The following CSTF2T variants were observed in gnomAD, a reference collection of about 807,000 sequenced individuals.
The protein encoded by CSTF2T is CF-1 64 kDa subunit tau.
Under a neutral mutation model 39.9 loss-of-function variants are expected in CSTF2T, and 18 were observed. That is an observed-to-expected ratio of 0.45 (90% confidence interval 0.31 to 0.67). The LOEUF (loss-of-function observed/expected upper bound fraction) is 0.67. Ranked by LOEUF, CSTF2T falls within the 30% of genes least tolerant of loss-of-function variation. The pLI, the probability that CSTF2T is intolerant of heterozygous loss-of-function variation, is 0.06. For synonymous variants in CSTF2T, 291 were observed against 276.4 expected (o/e 1.05, Z -0.52); for missense variants, 681 against 789.0 (o/e 0.86, Z 1.64).
In CSTF2T at chr10:51,699,048, G is replaced by C; in HGVS notation, c.502C>G (p.Leu168Val). 1 of 1,614,242 alleles carries C rather than the reference G, an allele frequency of 6.2e-7. No individual in the cohort carries two copies. Among genetic ancestry groups the C allele is most frequent in the Non-Finnish European group, 8.5e-7 (1 of 1,180,046 alleles). ...TGTGCCTGCAACAGTGCATAAGCCA[G>C]TTGTGGATTTTGAAGTAACATGTTT... ...ARNMLLQNPQ[L>V]AYALLQAQVV... The change falls in exon 1 of 1, where the codon CTG becomes GTG. Residue 168 changes from leucine to valine, a missense_variant. Physicochemically the swap from Leu to Val is conservative, Grantham distance 32. This residue lies in a region of CSTF2T where 329 missense variants were observed against 344.1 expected (regional missense o/e 0.96). Coordinates refer to ENST00000331173, the MANE Select transcript of CSTF2T (RefSeq NM_015235.3).
rs376951469 is a variant in CSTF2T, at chr10:51,698,348, T to C, written c.1202A>G (p.Asp401Gly). 14 of 1,614,020 alleles carry C rather than the reference T, an allele frequency of 8.7e-6. No individual in the cohort carries two copies. The highest frequency in any genetic ancestry group is 1.1e-5 in the Non-Finnish European group (13 of 1,180,028). Residue 401 changes from aspartate (D) to glycine (G), a missense_variant, in exon 1 of 1, where the codon GAT becomes GGT. Asp to Gly is a moderately conservative substitution (Grantham distance 94). Transcript: ENST00000331173. ...ACCATCCATAGGTAGACCCCTTTGATCTATCATGGGGCCTCTGGGCTCTCC... is the reference window on the plus strand; with the variant it reads ...ACCATCCATAGGTAGACCCCTTTGACCTATCATGGGGCCTCTGGGCTCTCC... ...LIGEPRGPMI[D>G]QRGLPMDGRG...
In CSTF2T at chr10:51,698,283, TG is replaced by T; in HGVS notation, c.1266del (p.Met423TrpfsTer6). The T allele has an allele frequency of 6.2e-7, 1 of 1,614,132 alleles. No individual in the cohort carries two copies. Among genetic ancestry groups the T allele is most frequent in the Non-Finnish European group, 8.5e-7 (1 of 1,180,002 alleles). On this transcript the variant is annotated frameshift_variant, in exon 1 of 1. Coordinates refer to ENST00000331173, the MANE Select transcript of CSTF2T (RefSeq NM_015235.3). LOFTEE classifies it high-confidence loss of function. ...CGTGTCTCTAAGACCTCAGTTTCCA[TG>T]GCACGAGTCTCCATCGCTCGAGAAT... Reference protein sequence around the residue: ...GRDSRAMETRAMETEVLETRV... With the variant: ...GRDSRAMETRXMETEVLETRV...
Position 51,697,506 on chromosome 10 carries a change from C to T in CSTF2T, c.*193G>A. On this transcript the variant is annotated 3_prime_UTR_variant, in exon 1 of 1. Coordinates refer to ENST00000331173, the MANE Select transcript of CSTF2T (RefSeq NM_015235.3). ...GTAACTTAAAGTGAACAGACGCACT[C>T]CCTCCTCCCCCCACCCTCAATTAAA... The T allele has an allele frequency of 1.7e-6, 1 of 604,054 alleles. No homozygotes were observed. Among genetic ancestry groups the T allele is most frequent in the Non-Finnish European group, 2.9e-6 (1 of 349,496 alleles). 37.4% of individuals were successfully genotyped at this position (604,054 alleles called of 1,614,324 possible).
chr10:51,697,639 C>A lies in CSTF2T; in HGVS notation c.*60G>T. On this transcript the variant is annotated 3_prime_UTR_variant, in exon 1 of 1. Transcript: ENST00000331173. ...GGGATACAGAAGTCAGCTTTTTGCACCCATTCTCCATGCTACAGAATAAAA... is the reference window on the plus strand; with the variant it reads ...GGGATACAGAAGTCAGCTTTTTGCAACCATTCTCCATGCTACAGAATAAAA... The A allele has an allele frequency of 2.6e-6, 4 of 1,541,302 alleles. No individual in the cohort carries two copies. Among genetic ancestry groups the A allele is most frequent in the Non-Finnish European group, 3.5e-6 (4 of 1,128,512 alleles).
rs1157172920 is a variant in CSTF2T, at chr10:51,698,686, G to A, written c.864C>T (p.Pro288=). Residue 288 remains proline, a synonymous_variant, in exon 1 of 1, where the codon CCC becomes CCT. Coordinates refer to ENST00000331173, the MANE Select transcript of CSTF2T (RefSeq NM_015235.3). The part of the protein sequence containing the change: ...GSLTPGGAMQ[P]QLGMPGVGPV... ...GGCCAACCCCTGGCATTCCAAGTTG[G>A]GGCTGCATTGCTCCTCCAGGAGTTA... is the stretch of plus-strand genomic sequence containing the variant. 4 of 1,614,214 alleles carry A rather than the reference G, an allele frequency of 2.5e-6. No homozygotes were observed. Among genetic ancestry groups the A allele is most frequent in the Non-Finnish European group, 3.4e-6 (4 of 1,180,038 alleles).
Position 51,698,426 on chromosome 10 carries a change from G to C in CSTF2T, c.1124C>G (p.Pro375Arg). The change falls in exon 1 of 1, where the codon CCT becomes CGT. Residue 375 changes from proline to arginine, a missense_variant. Physicochemically the swap from Pro to Arg is moderately radical, Grantham distance 103. Coordinates refer to ENST00000331173, the MANE Select transcript of CSTF2T (RefSeq NM_015235.3). ...CCCTCCCCTCATCTCATGTGAGGAAGGGCCACGAGTGTCATGACCAGAGGC... is the reference window on the plus strand; with the variant it reads ...CCCTCCCCTCATCTCATGTGAGGAACGGCCACGAGTGTCATGACCAGAGGC... Reference protein sequence around the residue: ...HHASGHDTRGPSSHEMRGGPL... With the variant: ...HHASGHDTRGRSSHEMRGGPL... The C allele has an allele frequency of 6.2e-7, 1 of 1,614,094 alleles. No homozygotes were observed. Among genetic ancestry groups the C allele is most frequent in the Non-Finnish European group, 8.5e-7 (1 of 1,180,020 alleles).
chr10:51,698,419 T>G lies in CSTF2T; in HGVS notation c.1131A>C (p.Ser377=), dbSNP rs768689903. The change falls in exon 1 of 1, where the codon TCA becomes TCC. Residue 377 remains serine (S), a synonymous_variant. Transcript: ENST00000331173. Reference sequence around the variant, plus strand: ...CTAATGGCCCTCCCCTCATCTCATGTGAGGAAGGGCCACGAGTGTCATGAC... The same window carrying G: ...CTAATGGCCCTCCCCTCATCTCATGGGAGGAAGGGCCACGAGTGTCATGAC... ...ASGHDTRGPS[S]HEMRGGPLGD... 7 of 1,613,664 alleles carry G rather than the reference T, an allele frequency of 4.3e-6. No homozygotes were observed. In the African/African-American group the frequency reaches 9.3e-5, roughly 22 times the overall value.
chr10:51,699,401 T>C lies in CSTF2T; in HGVS notation c.149A>G (p.Asp50Gly). Residue 50 changes from aspartate (D) to glycine (G), a missense_variant, in exon 1 of 1, where the codon GAT becomes GGT. Asp to Gly is a moderately conservative substitution (Grantham distance 94). Transcript: ENST00000331173. ...GSVVSFRLVY[D>G]RETGKPKGYG... is the part of the protein sequence containing the mutation. The stretch of plus-strand genomic sequence containing the variant: ...GCCCTTGGGTTTTCCCGTCTCTCTA[T>C]CGTATACCAGCCGGAAACTGACAAC... 6.2e-7 allele frequency: 1 copy of C among 1,614,060 alleles called. No individual in the cohort carries two copies. Among genetic ancestry groups the C allele is most frequent in the Non-Finnish European group, 8.5e-7 (1 of 1,180,004 alleles).
At position 51,697,500 on chromosome 10, in the gene CSTF2T, C is replaced by T. The variant is rs568925720; in HGVS notation, c.*199G>A. The T allele has an allele frequency of 1.3e-3, 755 of 594,928 alleles. 7 individuals are homozygous for T. Among genetic ancestry groups the T allele is most frequent in the South Asian group, 6.5e-3 (304 of 46,844 alleles). The allele number at this position is 594,928 out of a possible 1,614,324, so 36.9% of individuals were successfully genotyped here. On this transcript the variant is annotated 3_prime_UTR_variant, in exon 1 of 1. Transcript: ENST00000331173. Reference sequence around the variant, plus strand: ...TTTAAAGTAACTTAAAGTGAACAGACGCACTCCCTCCTCCCCCCACCCTCA... The same window carrying T: ...TTTAAAGTAACTTAAAGTGAACAGATGCACTCCCTCCTCCCCCCACCCTCA...
Position 51,697,808 on chromosome 10 carries a change from A to G in CSTF2T, c.1742T>C (p.Met581Thr). 1 of 1,614,168 alleles carries G rather than the reference A, an allele frequency of 6.2e-7. No homozygotes were observed. The highest frequency in any genetic ancestry group is 8.5e-7 in the Non-Finnish European group (1 of 1,180,028). Reference sequence around the variant, plus strand: ...ATCTGCAGTCAGTTGAAGAACCTGCATGATCAAAGCTGCCTTCTCCTGATC... The same window carrying G: ...ATCTGCAGTCAGTTGAAGAACCTGCGTGATCAAAGCTGCCTTCTCCTGATC... Reference protein sequence around the residue: ...PQDQEKAALIMQVLQLTADQI... With the variant: ...PQDQEKAALITQVLQLTADQI... Residue 581 changes from methionine to threonine, a missense_variant, in exon 1 of 1, where the codon ATG (methionine) becomes ACG (threonine). By Grantham distance (81) the Met-to-Thr change is moderately conservative (BLOSUM62 -1). Coordinates refer to ENST00000331173, the MANE Select transcript of CSTF2T (RefSeq NM_015235.3).
In CSTF2T at chr10:51,698,198, C is replaced by G. The variant is rs1303414474; in HGVS notation, c.1352G>C (p.Arg451Thr). The G allele has an allele frequency of 1.9e-6, 3 of 1,614,136 alleles. No individual in the cohort carries two copies. The highest frequency in any genetic ancestry group is 2.5e-6 in the Non-Finnish European group (3 of 1,180,020). The change falls in exon 1 of 1, where the codon AGG becomes ACG. Residue 451 changes from arginine to threonine, a missense_variant. Coordinates refer to ENST00000331173, the MANE Select transcript of CSTF2T (RefSeq NM_015235.3). ...CAMETRGMEA[R>T]GMDARGLEMR... Reference sequence around the variant, plus strand: ...CTCCAATCCTCTTGCATCCATGCCCCTTGCTTCCATCCCTCTGGTTTCCAT... The same window carrying G: ...CTCCAATCCTCTTGCATCCATGCCCGTTGCTTCCATCCCTCTGGTTTCCAT...
At position 51,699,565 on chromosome 10, in the gene CSTF2T, G is replaced by T. The variant is rs561264758; in HGVS notation, c.-16C>A. ...AACTCGACATGATTCCGGTTGTGCA[G>T]ACAGCCGATAGCGGATTCTTCGAGG... is the stretch of plus-strand genomic sequence containing the variant. On this transcript the variant is annotated 5_prime_UTR_variant, in exon 1 of 1. The change creates a new upstream start codon in the 5' untranslated region. Coordinates refer to ENST00000331173, the MANE Select transcript of CSTF2T (RefSeq NM_015235.3). 5.0e-6 allele frequency: 8 copies of T among 1,598,968 alleles called. No homozygotes were observed. The Admixed American group carries it at 1.4e-4, about 27-fold the overall frequency.
Position 51,696,343 on chromosome 10 carries a change from C to A in CSTF2T, c.*1356G>T, listed in dbSNP as rs1841292655. On this transcript the variant is annotated 3_prime_UTR_variant, in exon 1 of 1. Coordinates refer to ENST00000331173, the MANE Select transcript of CSTF2T (RefSeq NM_015235.3). ...AGATACCAAGAAACTGAGAGTTTTA[C>A]TTAGTGAAACCTTCCACTACTTATG... is the stretch of plus-strand genomic sequence containing the variant. 1 of 150,832 alleles carries A rather than the reference C, an allele frequency of 6.6e-6. No homozygotes were observed. Among genetic ancestry groups the A allele is most frequent in the African/African-American group, 2.5e-5 (1 of 40,300 alleles). 9.3% of individuals were successfully genotyped at this position (150,832 alleles called of 1,614,324 possible). A position where few individuals can be genotyped will look rare whatever the true frequency, so the allele number is the denominator to read the frequency against.
At position 51,698,667 on chromosome 10, in the gene CSTF2T, C is replaced by G. The variant is rs1356411239; in HGVS notation, c.883G>C (p.Val295Leu). Residue 295 changes from valine (V) to leucine (L), a missense_variant, in exon 1 of 1, where the codon GTT becomes CTT. By Grantham distance (32) the Val-to-Leu change is conservative. Coordinates refer to ENST00000331173, the MANE Select transcript of CSTF2T (RefSeq NM_015235.3). The stretch of plus-strand genomic sequence containing the variant: ...CCCCGCTCTAAAGGCACTGGGCCAA[C>G]CCCTGGCATTCCAAGTTGGGGCTGC... ...AMQPQLGMPG[V>L]GPVPLERGQV... 1 of 1,614,074 alleles carries G rather than the reference C, an allele frequency of 6.2e-7. No individual in the cohort carries two copies. Among genetic ancestry groups the G allele is most frequent in the African/African-American group, 1.3e-5 (1 of 74,938 alleles).
chr10:51,697,964 T>G lies in CSTF2T; in HGVS notation c.1586A>C (p.Gln529Pro). Residue 529 changes from glutamine to proline, a missense_variant, in exon 1 of 1, where the codon CAG (glutamine) becomes CCG (proline). This residue lies in a region of CSTF2T where 282 missense variants were observed against 289.2 expected (regional missense o/e 0.98). Transcript: ENST00000331173. ...QGAGIQGGGMQGAGIQGVSIQ... is the reference protein window; with the variant it reads ...QGAGIQGGGMPGAGIQGVSIQ... ...ACTGACTCCTTGTATGCCTGCCCCC[T>G]GCATCCCTCCTCCTTGTATGCCTGC... is the stretch of plus-strand genomic sequence containing the variant. 6.2e-7 allele frequency: 1 copy of G among 1,602,248 alleles called. No individual in the cohort carries two copies. Among genetic ancestry groups the G allele is most frequent in the Non-Finnish European group, 8.5e-7 (1 of 1,174,230 alleles).
Position 51,697,228 on chromosome 10 carries a change from TA to T in CSTF2T, c.*470del, listed in dbSNP as rs1271587384. The T allele has an allele frequency of 6.4e-6, 1 of 155,794 alleles. No homozygotes were observed. Among genetic ancestry groups the T allele is most frequent in the African/African-American group, 2.4e-5 (1 of 41,498 alleles). 9.7% of individuals were successfully genotyped at this position (155,794 alleles called of 1,614,324 possible). On this transcript the variant is annotated 3_prime_UTR_variant, in exon 1 of 1. Transcript: ENST00000331173. ...GCCTCCAAAATAGGATTTTGTATTTTAAATGGTTTACCAAAAAATGTATCTT... is the reference window on the plus strand; with the variant it reads ...GCCTCCAAAATAGGATTTTGTATTTTAATGGTTTACCAAAAAATGTATCTT...
In CSTF2T at chr10:51,699,356, T is replaced by C; in HGVS notation, c.194A>G (p.Gln65Arg). 6.2e-7 allele frequency: 1 copy of C among 1,614,080 alleles called. No individual in the cohort carries two copies. The highest frequency in any genetic ancestry group is 8.5e-7 in the Non-Finnish European group (1 of 1,180,018). ...KPKGYGFCEY[Q>R]DQETALSAMR... is the part of the protein sequence containing the mutation. ...GGCACTAAGCGCGGTCTCCTGGTCT[T>C]GGTATTCGCAGAAGCCATAGCCCTT... is the stretch of plus-strand genomic sequence containing the variant. The change falls in exon 1 of 1, where the codon CAA (glutamine) becomes CGA (arginine). Residue 65 changes from glutamine (Q) to arginine (R), a missense_variant. Gln to Arg is a conservative substitution (Grantham distance 43). This residue lies in a region of CSTF2T where 65 missense variants were observed against 134.2 expected (regional missense o/e 0.48). Coordinates refer to ENST00000331173, the MANE Select transcript of CSTF2T (RefSeq NM_015235.3).
At position 51,697,681 on chromosome 10, in the gene CSTF2T, A is replaced by C. The variant is rs1327257425; in HGVS notation, c.*18T>G. ...AGAATAAAATTTGAGACTACAGCCAAATATTTTCTAAAACCTTTCAAGACG... is the reference window on the plus strand; with the variant it reads ...AGAATAAAATTTGAGACTACAGCCACATATTTTCTAAAACCTTTCAAGACG... On this transcript the variant is annotated 3_prime_UTR_variant, in exon 1 of 1. Coordinates refer to ENST00000331173, the MANE Select transcript of CSTF2T (RefSeq NM_015235.3). 5.0e-6 allele frequency: 8 copies of C among 1,611,998 alleles called. No homozygotes were observed. Among genetic ancestry groups the C allele is most frequent in the African/African-American group, 1.3e-5 (1 of 74,790 alleles).
At position 51,695,580 on chromosome 10, in the gene CSTF2T, G is replaced by GAAAGCTTTGAGAT; in HGVS notation, c.*2106_*2118dup. ...TAATTTTCAGTTACAGCCCTTCAGT[G>GAAAGCTTTGAGAT]AAAGCTTTGAGATAAAGCAACTAGA... On this transcript the variant is annotated 3_prime_UTR_variant, in exon 1 of 1. Transcript: ENST00000331173. 1 of 152,182 alleles carries GAAAGCTTTGAGAT rather than the reference G, an allele frequency of 6.6e-6. No individual in the cohort carries two copies. Among genetic ancestry groups the GAAAGCTTTGAGAT allele is most frequent in the East Asian group, 1.9e-4 (1 of 5,196 alleles). The allele number at this position is 152,182 out of a possible 1,614,324, so 9.4% of individuals were successfully genotyped here. A position where few individuals can be genotyped will look rare whatever the true frequency, so the allele number is the denominator to read the frequency against.
Sources: allele counts gnomAD v4.1 joint callset, GRCh38; gene constraint gnomAD v4.1.1; regional missense constraint gnomAD v4.1.1; transcripts MANE v1.5; gene names NCBI Gene and HGNC (gene_info 2026-07-23, HGNC 2026-07-21).